The following PRKCZ variants were observed in gnomAD, a reference collection of about 807,000 sequenced individuals.
PRKCZ encodes the protein protein kinase C zeta type.
In PRKCZ, 33 loss-of-function variants were observed where a neutral mutation model predicts 79.5. That is an observed-to-expected ratio of 0.41 (90% CI 0.31 to 0.55). PRKCZ has a LOEUF of 0.55. Among genes scored for constraint, PRKCZ ranks in the 20% least tolerant of loss-of-function variants. The pLI is 0.19. For missense variants in PRKCZ, 578 were observed against 813.5 expected (o/e 0.71, Z 3.52); for synonymous variants, 342 against 320.9 (o/e 1.07, Z -0.70).
Position 2,165,235 on chromosome 1 carries a change from G to A in PRKCZ, c.975-4283G>A, listed in dbSNP as rs1004260330. Among the ~76,000 whole-genome samples the A allele has an allele frequency of 1.3e-5, 2 of 152,196 alleles. No individual in the cohort carries two copies. The highest frequency in any genetic ancestry group is 4.8e-5 in the African/African-American group (2 of 41,446). On this transcript the variant is annotated intron_variant, in intron 10 of 17. Coordinates refer to ENST00000378567, the MANE Select transcript of PRKCZ (RefSeq NM_002744.6). This position sits in a 1 kb window ranked among gnomAD's most constrained non-coding sequence, Gnocchi z 4.1. Reference sequence around the variant, plus strand: ...CTTTAATGTCCGTCCTGCTCTCCGAGTCAGGAATCTGATTTTCCAGCGTGC... The same window carrying A: ...CTTTAATGTCCGTCCTGCTCTCCGAATCAGGAATCTGATTTTCCAGCGTGC...
chr1:2,172,291 GC>G lies in PRKCZ; in HGVS notation c.1198-5del, dbSNP rs1310966414. ...ACAAGAACCCTCTCCCAGTAACTTT[GC>G]CCCCACAGGAAGGCCTGGGCCCTGG... On this transcript the variant is annotated splice_polypyrimidine_tract_variant and intron_variant, in intron 12 of 17. Coordinates refer to ENST00000378567, the MANE Select transcript of PRKCZ (RefSeq NM_002744.6). The surrounding 1 kb of genome is among the most constrained non-coding windows in gnomAD (Gnocchi z 7.8). The G allele has an allele frequency of 6.2e-7, 1 of 1,613,312 alleles. No individual in the cohort carries two copies. Among genetic ancestry groups the G allele is most frequent in the Non-Finnish European group, 8.5e-7 (1 of 1,180,010 alleles).
intron 4 of PRKCZ, among the ~76,000 whole-genome samples, chr1:2,062,036 G>T (rs1660722325): frequency 6.6e-6 from 1 of 152,166 alleles, no homozygotes; most frequent in Non-Finnish European, 1.5e-5. Context: ...GCAGACGAGG[G>T]CAGGACTGCG....
intron 4 of PRKCZ, among the ~76,000 whole-genome samples, chr1:2,085,779 G>A (rs1459328691): frequency 1.3e-5 from 2 of 151,792 alleles, no homozygotes; most frequent in Non-Finnish European, 2.9e-5. Flanking sequence ...TGTTCTCAGA[G>A]CCCGTGAGGC....
chr1:2,055,845 T>C, intron 2 of PRKCZ: 1 of 357,326 alleles, frequency 2.8e-6, no homozygotes, highest in African/African-American at 2.1e-5. Flanking sequence ...CCTCTTCCTC[T>C]GACCTCCTTT....
chr1:2,184,993 C>T lies in PRKCZ; in HGVS notation c.1763C>T (p.Thr588Ile), dbSNP rs750037692. The T allele has an allele frequency of 6.2e-7, 1 of 1,613,350 alleles. No homozygotes were observed. Among genetic ancestry groups the T allele is most frequent in the Non-Finnish European group, 8.5e-7 (1 of 1,179,718 alleles). The part of the protein sequence containing the change: ...FEYINPLLLS[T>I]EESV ...TATATCAACCCATTATTGCTGTCCA[C>T]CGAGGAGTCGGTGTGAGGCCGCGTG... is the stretch of plus-strand genomic sequence containing the variant. Residue 588 changes from threonine to isoleucine, a missense_variant, in exon 18 of 18, where the codon ACC (threonine) becomes ATC (isoleucine). Thr to Ile is a moderately conservative substitution (Grantham distance 89, BLOSUM62 -1). This residue lies in a region of PRKCZ where 243 missense variants were observed against 467.0 expected (regional missense o/e 0.52). Transcript: ENST00000378567.
intron 4 of PRKCZ, among the ~76,000 whole-genome samples, chr1:2,095,627 T>G (rs1199273772): frequency 6.6e-6 from 1 of 151,934 alleles, no homozygotes; most frequent in East Asian, 1.9e-4. Flanking sequence ...CCCAAAGTCA[T>G]GCCCTGCCCC....
At chr1:2,134,208 G>C (rs1675684532) in intron 4 of PRKCZ, among the ~76,000 whole-genome samples, 1 of 152,192 alleles carries the variant, frequency 6.6e-6, no homozygotes, top group Non-Finnish European at 1.5e-5. Flanking sequence ...CTGACTTCTT[G>C]GTTTCGCTCT....
intron 9 of PRKCZ, among the ~76,000 whole-genome samples, chr1:2,153,408 G>T (rs533223291): frequency 1.0e-4 from 16 of 152,384 alleles, no homozygotes; most frequent in Non-Finnish European, 2.4e-4. Context: ...CACAGAGGGG[G>T]TCCCTCCTCG....
intron 4 of PRKCZ, among the ~76,000 whole-genome samples, chr1:2,105,492 C>T (rs556765679): frequency 9.2e-5 from 14 of 152,302 alleles, no homozygotes; most frequent in African/African-American, 2.9e-4. Context: ...CTTCGCCTCC[C>T]GGGTTCAAGC....
Position 2,173,473 on chromosome 1 carries a change from A to G in PRKCZ, c.1286-424A>G, listed in dbSNP as rs753039669. On this transcript the variant is annotated intron_variant, in intron 13 of 17. Coordinates refer to ENST00000378567, the MANE Select transcript of PRKCZ (RefSeq NM_002744.6). This position sits in a 1 kb window ranked among gnomAD's most constrained non-coding sequence, Gnocchi z 5.7. ...GCTGGAACACATTCCCAACAGGTTG[A>G]CTACTTGAACCTTTTTAAAAAACAA... 3.3e-5 allele frequency among the ~76,000 whole-genome samples: 5 copies of G among 152,210 alleles called. No homozygotes were observed. The highest frequency in any genetic ancestry group is 7.3e-5 in the Non-Finnish European group (5 of 68,048).
At chr1:2,133,950 G>A (rs985850844) in intron 4 of PRKCZ, 3 of 152,272 alleles carry the variant, frequency 2.0e-5, no homozygotes, top group Non-Finnish European at 4.4e-5. Context: ...CCGAAAGTGT[G>A]GCCGCCCCTG....
At chr1:2,163,759 T>C (rs262648) in intron 10 of PRKCZ, among the ~76,000 whole-genome samples, 58,872 of 148,964 alleles carry the variant, frequency 0.4, 11,490 homozygotes, top group Admixed American at 0.43. Flanking sequence ...ATTAGCCAGG[T>C]GTGGTGGTGG....
intron 10 of PRKCZ, among the ~76,000 whole-genome samples, chr1:2,163,134 C>T (rs750131344): frequency 6.6e-5 from 10 of 152,228 alleles, no homozygotes; most frequent in South Asian, 2.1e-4. Context: ...TGACACTGGA[C>T]GGCCCTGTCC....
chr1:2,052,522 C>T (rs560381141), intron 1 of PRKCZ, among the ~76,000 whole-genome samples: 3 of 152,036 alleles, frequency 2.0e-5, no homozygotes, highest in South Asian at 2.1e-4. Context: ...CCTTCCTCCC[C>T]CTTCTAGGGC....
chr1:2,164,487 G>A (rs1327937375), intron 10 of PRKCZ, among the ~76,000 whole-genome samples: 2 of 152,212 alleles, frequency 1.3e-5, no homozygotes, highest in Admixed American at 1.3e-4. Context: ...TCACCAGGGG[G>A]CAGTTGCATA....
intron 2 of PRKCZ, 129 bp from the exon 3 acceptor site, chr1:2,056,355 A>G: frequency 1.3e-6 from 1 of 792,798 alleles, no homozygotes; most frequent in Non-Finnish European, 2.0e-6. Context: ...CCCTGCCAGG[A>G]GGTGGCCAGT....
chr1:2,115,297 C>T (rs907087232), intron 4 of PRKCZ, among the ~76,000 whole-genome samples: 12 of 152,366 alleles, frequency 7.9e-5, no homozygotes, highest in South Asian at 2.1e-4. Flanking sequence ...TGCGAGGCAC[C>T]GGGGTCCCGG....
At position 2,050,601 on chromosome 1, in the gene PRKCZ, C is replaced by G; in HGVS notation, c.-30C>G. On this transcript the variant is annotated 5_prime_UTR_variant, in exon 1 of 18. Transcript: ENST00000378567. ...CGCCATGGCCGGAGCTCCCGGGGCG[C>G]AGCGCTGACGGCGGCGGGGGGAGCG... The G allele has an allele frequency of 1.7e-6, 2 of 1,210,984 alleles. No individual in the cohort carries two copies. Among genetic ancestry groups the G allele is most frequent in the Non-Finnish European group, 2.1e-6 (2 of 971,886 alleles). 75.0% of individuals were successfully genotyped at this position (1,210,984 alleles called of 1,614,324 possible).
At chr1:2,129,195 G>A (rs948852294) in intron 4 of PRKCZ, among the ~76,000 whole-genome samples, 2 of 152,138 alleles carry the variant, frequency 1.3e-5, no homozygotes, top group African/African-American at 4.8e-5. Context: ...GGTTTTTGTG[G>A]TTGCTTCCGT....
Sources: gnomAD v4.1 joint callset for allele counts (sites outside exome capture counted in the v4.1 genomes callset) on GRCh38, gnomAD v4.1.1 for gene constraint, gnomAD v4.1.1 regional missense constraint, Gnocchi (gnomAD v3.1) non-coding constraint, MANE v1.5 for transcripts, NCBI Gene and HGNC (gene_info 2026-07-23, HGNC 2026-07-21) for gene names.